Variants in UIMC1 observed in about 807,000 individuals in gnomAD.
The protein encoded by UIMC1 is BRCA1-A complex subunit RAP80.
Under a neutral mutation model 84.9 loss-of-function variants are expected in UIMC1, and 42 were observed. The ratio of observed to expected loss-of-function variants is 0.49; its 90% CI spans 0.39 to 0.64. The LOEUF is 0.64. Ranked by LOEUF, UIMC1 falls within the 30% of genes least tolerant of loss-of-function variation. The pLI, the probability that UIMC1 is intolerant of heterozygous loss-of-function variation, is 0.00. For missense variants in UIMC1, 825 were observed against 847.6 expected, an observed-to-expected ratio of 0.97 and a Z score of 0.33; for synonymous variants, 281 against 293.0, an observed-to-expected ratio of 0.96 and a Z score of 0.42.
At chr5:176,916,522 G>A (rs1315190419) in intron 10 of UIMC1, among the ~76,000 whole-genome samples, 1 of 152,212 alleles carries the variant, frequency 6.6e-6, no homozygotes, top group African/African-American at 2.4e-5. Context: ...TGTGGCCTTA[G>A]GCAAGTTCTG....
chr5:177,015,480 C>T (rs1294784249), intron 1 of UIMC1, among the ~76,000 whole-genome samples: 2 of 152,162 alleles, frequency 1.3e-5, no homozygotes, highest in African/African-American at 2.4e-5. Flanking sequence ...CCTCCAGCTC[C>T]AAGGGTGGCC....
Position 176,907,100 on chromosome 5 carries a change from C to A in UIMC1, c.1912+14G>T. On this transcript the variant is annotated intron_variant, in intron 13 of 14. Transcript: ENST00000511320. ...TTAGGCAGAAGCCCAGAAAACTGGT[C>A]CTGGGGTCCTCACCTGAAGTCTTGT... The A allele has an allele frequency of 6.2e-7, 1 of 1,613,322 alleles. No homozygotes were observed. Among genetic ancestry groups the A allele is most frequent in the Non-Finnish European group, 8.5e-7 (1 of 1,179,618 alleles).
intron 6 of UIMC1, among the ~76,000 whole-genome samples, chr5:176,966,231 C>A (rs1217447632): frequency 1.3e-5 from 2 of 152,194 alleles, no homozygotes; most frequent in East Asian, 3.8e-4. Context: ...AGTGCCTATG[C>A]TATGCATTGC....
intron 10 of UIMC1, among the ~76,000 whole-genome samples, chr5:176,926,465 T>A (rs1354211551): frequency 6.6e-6 from 1 of 151,864 alleles, no homozygotes; most frequent in Non-Finnish European, 1.5e-5. Flanking sequence ...AAGACCCCCA[T>A]CACTACAAAA....
upstream of UIMC1, among the ~76,000 whole-genome samples, chr5:177,009,407 G>T (rs1373694246): frequency 6.6e-6 from 1 of 151,764 alleles, no homozygotes; most frequent in African/African-American, 2.4e-5. The surrounding 1 kb of genome is among the most constrained non-coding windows in gnomAD (Gnocchi z 4.3). Flanking sequence ...GAAAATAGCA[G>T]AGTTAGGACC....
chr5:176,982,802 C>T (rs1771250205), intron 1 of UIMC1, among the ~76,000 whole-genome samples, 179 bp from the exon 2 acceptor site: 1 of 152,216 alleles, frequency 6.6e-6, no homozygotes, highest in South Asian at 2.1e-4. Context: ...CAGGTTCAAG[C>T]AATCCTCCTG....
At chr5:176,908,426 G>C in intron 12 of UIMC1, 97 bp downstream of exon 12, 4 of 1,211,942 alleles carry the variant, frequency 3.3e-6, no homozygotes, top group Non-Finnish European at 3.3e-6. Context: ...AGGGAAGAGG[G>C]GAGGGAGAAG....
intron 10 of UIMC1, among the ~76,000 whole-genome samples, chr5:176,941,092 A>G (rs569742638): frequency 1.1e-4 from 16 of 152,260 alleles, no homozygotes; most frequent in African/African-American, 3.9e-4. Flanking sequence ...CTGTGTGATT[A>G]TAACGCAGTA....
intron 1 of UIMC1, among the ~76,000 whole-genome samples, chr5:177,005,950 C>T (rs1307189533): frequency 5.3e-5 from 8 of 152,186 alleles, no homozygotes; most frequent in Non-Finnish European, 1.2e-4. Context: ...TGGAAACGCG[C>T]CGGCCCTGCG....
intron 10 of UIMC1, among the ~76,000 whole-genome samples, chr5:176,918,673 C>A (rs542141923): frequency 3.9e-5 from 6 of 152,178 alleles, no homozygotes; most frequent in Non-Finnish European, 8.8e-5. Context: ...CCCTTCAGCC[C>A]CACTAGGACA....
At chr5:176,955,519 C>T (rs991716759) in intron 8 of UIMC1, among the ~76,000 whole-genome samples, 1 of 152,058 alleles carries the variant, frequency 6.6e-6, no homozygotes, top group African/African-American at 2.4e-5. Flanking sequence ...ACTTAAGCCC[C>T]GAAGTTCAAG....
At chr5:176,914,039 C>CACCATACCAT (rs79787456) in intron 10 of UIMC1, among the ~76,000 whole-genome samples, 10,648 of 139,786 alleles carry the variant, frequency 0.076, 576 homozygotes, top group African/African-American at 0.15. Context: ...CCATACCATA[C>CACCATACCAT]ACCATACCAT....
intron 9 of UIMC1, among the ~76,000 whole-genome samples, chr5:176,947,256 A>G (rs1417338241): frequency 6.6e-6 from 1 of 152,226 alleles, no homozygotes; most frequent in Non-Finnish European, 1.5e-5. Flanking sequence ...ATTAACTACT[A>G]GGGAAGAACC....
At chr5:176,921,242 GCTAT>G (rs1561738452) in intron 10 of UIMC1, among the ~76,000 whole-genome samples, 3 of 152,086 alleles carry the variant, frequency 2.0e-5, no homozygotes, top group Admixed American at 1.3e-4. Flanking sequence ...TGCCCACACG[GCTAT>G]CTAAGGCTCA....
At position 176,927,063 on chromosome 5, in the gene UIMC1, T is replaced by C. The variant is rs186510553; in HGVS notation, c.1598-15674A>G. ...ATAGTAGTAATAGCAGTCACTGTTA[T>C]TATAAAGACCAGTAGTGGTCAGGTA... On this transcript the variant is annotated intron_variant, in intron 10 of 14. Transcript: ENST00000511320. 3.9e-5 allele frequency among the ~76,000 whole-genome samples: 6 copies of C among 152,258 alleles called. No individual in the cohort carries two copies. In the East Asian group the frequency reaches 5.8e-4, roughly 15 times the overall value.
At chr5:176,945,977 T>C (rs1459504079) in intron 9 of UIMC1, among the ~76,000 whole-genome samples, 2 of 152,244 alleles carry the variant, frequency 1.3e-5, no homozygotes. Context: ...CATAGAAATG[T>C]ACTGTACTTC....
chr5:176,921,763 T>G (rs967940636), intron 10 of UIMC1, among the ~76,000 whole-genome samples: 2 of 152,262 alleles, frequency 1.3e-5, no homozygotes, highest in East Asian at 3.9e-4. Flanking sequence ...CTGCTTAGTC[T>G]CCTCAATTCC....
chr5:176,970,462 G>C lies in UIMC1; in HGVS notation c.357+280C>G, dbSNP rs1769037646. On this transcript the variant is annotated intron_variant, in intron 4 of 14. Coordinates refer to ENST00000511320, the MANE Select transcript of UIMC1 (RefSeq NM_001199298.2). ...GCTGCCTTCTGGTTCTTGGTATTCA[G>C]TAAGTCTTTTCAGAAGCTGTCAACT... is the stretch of plus-strand genomic sequence containing the variant. 5.5e-5 allele frequency: 24 copies of C among 434,904 alleles called. 1 individual carries two copies. The highest frequency in any genetic ancestry group is 5.2e-4 in the South Asian group (24 of 46,140). 26.9% of individuals were successfully genotyped at this position (434,904 alleles called of 1,614,324 possible).
At chr5:176,941,435 A>T (rs1414648238) in intron 10 of UIMC1, among the ~76,000 whole-genome samples, 1 of 152,252 alleles carries the variant, frequency 6.6e-6, no homozygotes, top group African/African-American at 2.4e-5. Flanking sequence ...TATTATTACA[A>T]TGAACATGTA....
Sources: gnomAD v4.1 joint callset for allele counts (sites outside exome capture counted in the v4.1 genomes callset) on GRCh38, gnomAD v4.1.1 for gene constraint, Gnocchi (gnomAD v3.1) non-coding constraint, MANE v1.5 for transcripts, NCBI Gene and HGNC (gene_info 2026-07-23, HGNC 2026-07-21) for gene names.